SEPTIN14: variants seen among roughly 807,000 people sequenced by gnomAD.
SEPTIN14 encodes septin 14, also known as septin-14.
In SEPTIN14, 40 loss-of-function variants were observed where a neutral mutation model predicts 53.6. That is an observed-to-expected ratio of 0.75 (90% confidence interval 0.58 to 0.97). The LOEUF is 0.97. SEPTIN14 is among the 50% of genes least tolerant of loss of function. The pLI is 0.00. For missense variants in SEPTIN14, 471 were observed against 508.2 expected (o/e 0.93, Z 0.70); for synonymous variants, 138 against 166.8 (o/e 0.83, Z 1.33).
At chr7:55,856,526 A>G (rs7796462) in intron 2 of SEPTIN14, among the ~76,000 whole-genome samples, 124,233 of 151,682 alleles carry the variant, frequency 0.82, 51,515 homozygotes, top group East Asian at 0.96. Flanking sequence ...CGAATAGCTG[A>G]GATCACAGGT....
chr7:55,816,978 A>C (rs568379293), intron 7 of SEPTIN14, among the ~76,000 whole-genome samples: 19 of 152,196 alleles, frequency 1.2e-4, no homozygotes, highest in Non-Finnish European at 1.8e-4. Flanking sequence ...TCAAAAAATT[A>C]AAAATAAAAC....
intron 6 of SEPTIN14, among the ~76,000 whole-genome samples, chr7:55,832,308 T>C (rs938447824): frequency 3.3e-5 from 5 of 152,164 alleles, no homozygotes; most frequent in African/African-American, 9.6e-5. Context: ...GCTTATTCAC[T>C]GTTGGTGGGA....
intron 7 of SEPTIN14, among the ~76,000 whole-genome samples, chr7:55,811,727 G>A (rs1314174838): frequency 6.6e-6 from 1 of 151,656 alleles, no homozygotes; most frequent in East Asian, 1.9e-4. Flanking sequence ...TTGAACTCCT[G>A]ACTTCAGGTG....
intron 9 of SEPTIN14, among the ~76,000 whole-genome samples, chr7:55,796,437 A>G (rs550922852): frequency 1.3e-4 from 20 of 151,874 alleles, no homozygotes; most frequent in African/African-American, 4.3e-4. Flanking sequence ...TAATTTTTGT[A>G]TTTTTAGTAG....
intron 6 of SEPTIN14, among the ~76,000 whole-genome samples, chr7:55,824,209 G>A (rs73701153): frequency 0.059 from 8,987 of 152,084 alleles, 490 homozygotes; most frequent in East Asian, 0.24. Flanking sequence ...ATAAGCCACC[G>A]ACTGAGAGAA....
At position 55,840,490 on chromosome 7, in the gene SEPTIN14, GA is replaced by G. The variant is rs912858865; in HGVS notation, c.558+2451del. Among the ~76,000 whole-genome samples the G allele has an allele frequency of 4.7e-5, 7 of 149,642 alleles. No homozygotes were observed. In the South Asian group the frequency reaches 1.3e-3, roughly 27 times the overall value. On this transcript the variant is annotated intron_variant, in intron 5 of 9. Transcript: ENST00000388975. ...GGCAACAAAAGCGAAACTCCGTCTC[GA>G]AAAAAAAAGACAAAATGTGGACACC...
chr7:55,795,924 G>C lies in SEPTIN14; in HGVS notation c.1288C>G (p.Arg430Gly), dbSNP rs780952356. The C allele has an allele frequency of 1.3e-6, 2 of 1,591,716 alleles. No homozygotes were observed. The highest frequency in any genetic ancestry group is 2.7e-5 in the African/African-American group (2 of 74,766). ...AGTAAGAGAAACTATTATTTCTTACGATGTTTGTCTTTCTTTGTATCGGTG... is the reference window on the plus strand; with the variant it reads ...AGTAAGAGAAACTATTATTTCTTACCATGTTTGTCTTTCTTTGTATCGGTG... ...LSTDTKKDKH[R>G]KK Residue 430 changes from arginine to glycine, a missense_variant, in exon 10 of 10, where the codon CGT (arginine) becomes GGT (glycine). By Grantham distance (125) the Arg-to-Gly change is moderately radical. Transcript: ENST00000388975.
At chr7:55,833,414 A>G (rs2116029306) in intron 6 of SEPTIN14, among the ~76,000 whole-genome samples, 1 of 152,158 alleles carries the variant, frequency 6.6e-6, no homozygotes, top group Middle Eastern at 3.4e-3. Context: ...TAGAGCATAA[A>G]TAAATGAAAT....
chr7:55,858,790 G>A (rs1025474605), intron 2 of SEPTIN14, among the ~76,000 whole-genome samples: 7 of 151,868 alleles, frequency 4.6e-5, no homozygotes, highest in African/African-American at 7.3e-5. Flanking sequence ...GGCAACAAGA[G>A]TGAAACTCTA....
At chr7:55,847,041 C>T (rs1311639189) in intron 2 of SEPTIN14, among the ~76,000 whole-genome samples, 2 of 151,920 alleles carry the variant, frequency 1.3e-5, no homozygotes, top group African/African-American at 2.4e-5. Context: ...CAAAATTAGC[C>T]GGGCATGCTT....
intron 6 of SEPTIN14, among the ~76,000 whole-genome samples, chr7:55,828,329 G>A (rs1443483764): frequency 7.3e-6 from 1 of 136,402 alleles, no homozygotes; most frequent in African/African-American, 2.9e-5. Flanking sequence ...TTTTGAGACA[G>A]AGTCTTGCTC....
chr7:55,849,253 A>C (rs923261586), intron 2 of SEPTIN14, among the ~76,000 whole-genome samples: 7 of 151,924 alleles, frequency 4.6e-5, no homozygotes, highest in African/African-American at 1.7e-4. Flanking sequence ...TGAGCCAGGG[A>C]GGCAGAGGTT....
At chr7:55,838,279 A>C (rs1224723105) in intron 5 of SEPTIN14, among the ~76,000 whole-genome samples, 2 of 152,192 alleles carry the variant, frequency 1.3e-5, no homozygotes, top group Non-Finnish European at 2.9e-5. Flanking sequence ...AGCTGCCTGC[A>C]GGCTCTTGTA....
chr7:55,818,978 A>T, intron 7 of SEPTIN14, 149 bp downstream of exon 7: 1 of 606,290 alleles, frequency 1.6e-6, no homozygotes, highest in Non-Finnish European at 2.9e-6. Flanking sequence ...TAAATAAAAC[A>T]GAGTTTGTGT....
At chr7:55,819,086 T>C (rs765001371) in intron 7 of SEPTIN14, 41 bp downstream of exon 7, 13 of 1,102,040 alleles carry the variant, frequency 1.2e-5, no homozygotes, top group Non-Finnish European at 1.6e-5. Context: ...ACACATATAT[T>C]TAACTTAATC....
At chr7:55,848,700 C>T (rs924816711) in intron 2 of SEPTIN14, among the ~76,000 whole-genome samples, 24 of 150,864 alleles carry the variant, frequency 1.6e-4, no homozygotes, top group African/African-American at 5.6e-4. Context: ...CTCCGCTTCC[C>T]GGGTTCACGC....
In SEPTIN14 at chr7:55,852,145, A is replaced by C. The variant is rs866384203; in HGVS notation, c.55-5508T>G. ...CAACAGAGTGAGACTCTGTCAAAAA[A>C]AAAAAAAAGAAGAAGAAAAGAAAAA... On this transcript the variant is annotated intron_variant, in intron 2 of 9. Coordinates refer to ENST00000388975, the MANE Select transcript of SEPTIN14 (RefSeq NM_207366.3). Among the ~76,000 whole-genome samples the C allele has an allele frequency of 4.6e-3, 698 of 151,918 alleles. 5 individuals are homozygous for C. The highest frequency in any genetic ancestry group is 0.017 in the Middle Eastern group (5 of 294).
Position 55,812,948 on chromosome 7 carries a change from A to G in SEPTIN14, c.818-5690T>C, listed in dbSNP as rs529831985. 2.4e-3 allele frequency among the ~76,000 whole-genome samples: 361 copies of G among 149,424 alleles called. 4 individuals carry two copies. The highest frequency in any genetic ancestry group is 8.3e-3 in the African/African-American group (337 of 40,796). On this transcript the variant is annotated intron_variant, in intron 7 of 9. Transcript: ENST00000388975. ...GCAGAATTCTGCTAGTGCCCACGAC[A>G]GGAGCCTTTTTTTTTTTTTTAGATG...
In SEPTIN14 at chr7:55,834,461, A is replaced by G; in HGVS notation, c.684T>C (p.Asp228=). 1 of 1,612,128 alleles carries G rather than the reference A, an allele frequency of 6.2e-7. No individual in the cohort carries two copies. Among genetic ancestry groups the G allele is most frequent in the East Asian group, 2.2e-5 (1 of 44,810 alleles). The change falls in exon 6 of 10, where the codon GAT becomes GAC. Residue 228 remains aspartate (D), a synonymous_variant. Transcript: ENST00000388975. ...NGIQIYQLPT[D]EETAAQANSS... ...AGTTCGCTTGAGCAGCAGTTTCTTC[A>G]TCTGTTGGGAGCTGATATATCTGGA...
Sources: allele counts gnomAD v4.1 joint callset (sites outside exome capture counted in the v4.1 genomes callset), GRCh38; gene constraint gnomAD v4.1.1; transcripts MANE v1.5; gene names NCBI Gene and HGNC (gene_info 2026-07-23, HGNC 2026-07-21).